The following RPS6KC1 variants were observed in gnomAD, a reference collection of about 807,000 sequenced individuals.
The protein encoded by RPS6KC1 is ribosomal protein S6 kinase C1.
In RPS6KC1, 54 loss-of-function variants were observed where a neutral mutation model predicts 103.8. That is an observed-to-expected ratio of 0.52 (90% CI 0.42 to 0.65). The LOEUF is 0.65. RPS6KC1 is among the 30% of genes least tolerant of loss of function. RPS6KC1 has a pLI of 0.00. For missense variants in RPS6KC1, 1,151 were observed against 1,253.8 expected (o/e 0.92, Z 1.24); for synonymous variants, 439 against 438.7 (o/e 1.00, Z -0.01).
At chr1:213,182,177 C>T (rs1432686809) in intron 8 of RPS6KC1, among the ~76,000 whole-genome samples, 2 of 152,092 alleles carry the variant, frequency 1.3e-5, no homozygotes, top group Non-Finnish European at 2.9e-5. Flanking sequence ...CACTAAAAAG[C>T]TTTTTAAAGT....
chr1:213,653,699 C>A, the RPS6KC1 span, among the ~76,000 whole-genome samples: 1 of 152,046 alleles, frequency 6.6e-6, no homozygotes, highest in African/African-American at 2.4e-5. Context: ...GGACAGGGAC[C>A]CTGTCTGATT....
chr1:213,310,662 A>G, the RPS6KC1 span, among the ~76,000 whole-genome samples: 1 of 152,188 alleles, frequency 6.6e-6, no homozygotes, highest in South Asian at 2.1e-4. Context: ...GTATGTAGGC[A>G]TTGTATCTCT....
At chr1:213,296,277 T>A in the RPS6KC1 span, among the ~76,000 whole-genome samples, 1 of 152,190 alleles carries the variant, frequency 6.6e-6, no homozygotes, top group African/African-American at 2.4e-5. Context: ...ATCTCGACAA[T>A]ACACACCCAG....
the RPS6KC1 span, among the ~76,000 whole-genome samples, chr1:213,718,030 C>T: frequency 0.076 from 11,605 of 152,268 alleles, 637 homozygotes; most frequent in African/African-American, 0.15. Flanking sequence ...AGAGAGGCCA[C>T]GGAGGCATCA....
chr1:213,711,365 A>T, the RPS6KC1 span, among the ~76,000 whole-genome samples: 3 of 152,050 alleles, frequency 2.0e-5, no homozygotes, highest in Non-Finnish European at 4.4e-5. Flanking sequence ...CCATCAGTTC[A>T]TTTATGTTCT....
At chr1:213,493,982 A>G in the RPS6KC1 span, among the ~76,000 whole-genome samples, 2 of 152,226 alleles carry the variant, frequency 1.3e-5, no homozygotes, top group Admixed American at 6.5e-5. Context: ...TAGAAATGCA[A>G]AAATCAGAAA....
At chr1:213,717,239 A>T in the RPS6KC1 span, among the ~76,000 whole-genome samples, 1 of 152,248 alleles carries the variant, frequency 6.6e-6, no homozygotes, top group Non-Finnish European at 1.5e-5. Context: ...AAACAGAAAG[A>T]TAAATCGCAT....
chr1:213,255,959 G>A lies in RPS6KC1; in HGVS notation c.2912-5599G>A, dbSNP rs57896094. The stretch of plus-strand genomic sequence containing the variant: ...CACATTAATTAATGAATCACTGCTT[G>A]ATATAAAGTCATTTTGAACAGTTTC... On this transcript the variant is annotated intron_variant, in intron 12 of 14. Transcript: ENST00000366960. 3.1e-3 allele frequency among the ~76,000 whole-genome samples: 472 copies of A among 152,330 alleles called. 2 individuals are homozygous for A. The highest frequency in any genetic ancestry group is 1.0e-2 in the African/African-American group (414 of 41,578).
chr1:213,680,223 A>G, the RPS6KC1 span, among the ~76,000 whole-genome samples: 1 of 152,110 alleles, frequency 6.6e-6, no homozygotes. Context: ...AAAGAGAAGT[A>G]CCCCTGAAGC....
At position 213,062,903 on chromosome 1, in the gene RPS6KC1, A is replaced by G. The variant is rs577185847; in HGVS notation, c.106-8103A>G. ...TAAGGAAACATGGTAATATTTATTA[A>G]GAAGTAGATAGAATAAGTTAGCATA... On this transcript the variant is annotated intron_variant, in intron 1 of 14. Transcript: ENST00000366960. Among the ~76,000 whole-genome samples, 4 of 152,324 alleles carry G rather than the reference A, an allele frequency of 2.6e-5. No individual in the cohort carries two copies. The South Asian group carries it at 8.3e-4, about 32-fold the overall frequency.
chr1:213,261,349 G>A (rs2094791120), intron 12 of RPS6KC1, among the ~76,000 whole-genome samples: 1 of 151,778 alleles, frequency 6.6e-6, no homozygotes, highest in African/African-American at 2.4e-5. Context: ...AAATGTCTGA[G>A]TTTAATATAT....
At chr1:213,741,744 C>T in the RPS6KC1 span, among the ~76,000 whole-genome samples, 13 of 152,038 alleles carry the variant, frequency 8.6e-5, no homozygotes, top group Non-Finnish European at 1.5e-4. Context: ...CCAGTGCTAA[C>T]GTCTTCACCT....
the RPS6KC1 span, among the ~76,000 whole-genome samples, chr1:213,431,692 T>C: frequency 6.6e-6 from 1 of 151,660 alleles, no homozygotes; most frequent in Non-Finnish European, 1.5e-5. Flanking sequence ...TGTGTTACTA[T>C]TTACCCATTC....
chr1:213,164,168 G>T (rs1055968857), intron 6 of RPS6KC1, among the ~76,000 whole-genome samples: 4 of 152,184 alleles, frequency 2.6e-5, no homozygotes, highest in African/African-American at 9.7e-5. Flanking sequence ...AAAGAGAAGA[G>T]ATATATTTCT....
chr1:213,341,292 T>C, the RPS6KC1 span, among the ~76,000 whole-genome samples: 1 of 152,212 alleles, frequency 6.6e-6, no homozygotes, highest in African/African-American at 2.4e-5. Flanking sequence ...CAAGTGTGAC[T>C]GACTGATGAC....
the RPS6KC1 span, among the ~76,000 whole-genome samples, chr1:213,555,829 C>A: frequency 6.6e-6 from 1 of 152,176 alleles, no homozygotes; most frequent in Non-Finnish European, 1.5e-5. Context: ...CTCTTGAACT[C>A]TTTTTTCCAC....
the RPS6KC1 span, among the ~76,000 whole-genome samples, chr1:213,711,849 G>A: frequency 6.6e-6 from 1 of 152,206 alleles, no homozygotes; most frequent in Non-Finnish European, 1.5e-5. Context: ...GGAGGCTGCA[G>A]AACAGCAAAG....
chr1:213,225,194 C>T (rs1234809164), intron 8 of RPS6KC1, among the ~76,000 whole-genome samples: 1 of 152,150 alleles, frequency 6.6e-6, no homozygotes, highest in African/African-American at 2.4e-5. Flanking sequence ...GAGGTATATC[C>T]AGAGGCCAAT....
the RPS6KC1 span, among the ~76,000 whole-genome samples, chr1:213,727,968 G>T: frequency 6.6e-6 from 1 of 152,140 alleles, no homozygotes; most frequent in African/African-American, 2.4e-5. Context: ...TTCAGACAAC[G>T]CATCTATCAG....
Sources: allele counts gnomAD v4.1 joint callset (sites outside exome capture counted in the v4.1 genomes callset), GRCh38; gene constraint gnomAD v4.1.1; transcripts MANE v1.5; gene names NCBI Gene and HGNC (gene_info 2026-07-23, HGNC 2026-07-21).